ZNF853: variants seen among roughly 807,000 people sequenced by gnomAD.
The protein encoded by ZNF853 is zinc finger protein 853.
In ZNF853, 57 loss-of-function variants were observed where a neutral mutation model predicts 94.7. The ratio of observed to expected loss-of-function variants is 0.60; its 90% confidence interval spans 0.49 to 0.75. The LOEUF is 0.75. ZNF853 is among the 30% of genes least tolerant of loss of function. The pLI is 0.00. For missense variants in ZNF853, 785 were observed against 868.9 expected (o/e 0.90, Z 1.21); for synonymous variants, 448 against 406.3 (o/e 1.10, Z -1.23).
In ZNF853 at chr7:6,623,550, C is replaced by T. The variant is rs955174468; in HGVS notation, c.*579C>T. ...GGTGGGTATAATTCTGATGAAAACG[C>T]CTGTGTTCATCAACACAGGGTCAGA... On this transcript the variant is annotated 3_prime_UTR_variant, in exon 3 of 3. Transcript: ENST00000457543. 8 of 390,208 alleles carry T rather than the reference C, an allele frequency of 2.1e-5. No homozygotes were observed. The highest frequency in any genetic ancestry group is 1.7e-4 in the African/African-American group (8 of 48,420). The allele number at this position is 390,208 out of a possible 1,614,324, so 24.2% of individuals were successfully genotyped here.
rs1048883984 is a variant in ZNF853, at chr7:6,615,826, C to T, written c.-349C>T. ...GGCGGGGCCACCCCGTGGTGCCGAC[C>T]CCGGGCGCCGGCCTGGATCCCGCTG... On this transcript the variant is annotated 5_prime_UTR_variant, in exon 1 of 3. Transcript: ENST00000457543. The surrounding 1 kb of genome is among the most constrained non-coding windows in gnomAD (Gnocchi z 8.5). 1.0e-4 allele frequency: 17 copies of T among 168,728 alleles called. No homozygotes were observed. Among genetic ancestry groups the T allele is most frequent in the African/African-American group, 4.1e-4 (17 of 41,958 alleles). 10.5% of individuals were successfully genotyped at this position (168,728 alleles called of 1,614,324 possible). A position where few individuals can be genotyped will look rare whatever the true frequency, so the allele number is the denominator to read the frequency against.
rs1042100088 is a variant in ZNF853 at position 6,621,251 on chromosome 7, G to C, written c.260G>C (p.Arg87Pro). 9 of 1,549,344 alleles carry C rather than the reference G, an allele frequency of 5.8e-6. No individual in the cohort carries two copies. The highest frequency in any genetic ancestry group is 7.9e-6 in the Non-Finnish European group (9 of 1,145,498). ...EIAEETRPGQ[R>P]ELQLQQLEQQ... ...GCTGAGGAAACCCGGCCGGGACAAC[G>C]AGAGTTGCAACTGCAGCAGTTAGAA... Residue 87 changes from arginine (R) to proline (P), a missense_variant, in exon 3 of 3, where the codon CGA becomes CCA. Physicochemically the swap from Arg to Pro is moderately radical, Grantham distance 103 (BLOSUM62 -2). Coordinates refer to ENST00000457543, the MANE Select transcript of ZNF853 (RefSeq NM_017560.3).
In ZNF853 at chr7:6,622,547, G is replaced by T; in HGVS notation, c.1556G>T (p.Gly519Val). ...GERPHRCGEC[G>V]KGFSQHSNLV... ...CGGCCACACCGCTGCGGCGAGTGCG[G>T]CAAGGGCTTCTCGCAGCACTCGAAT... Residue 519 changes from glycine to valine, a missense_variant, in exon 3 of 3, where the codon GGC becomes GTC. Transcript: ENST00000457543. 2 of 1,553,670 alleles carry T rather than the reference G, an allele frequency of 1.3e-6. No homozygotes were observed. Among genetic ancestry groups the T allele is most frequent in the Non-Finnish European group, 1.7e-6 (2 of 1,149,280 alleles).
At chr7:6,617,015 C>T in intron 1 of ZNF853, among the ~76,000 whole-genome samples, 175 bp from the exon 2 acceptor site, 7 of 152,130 alleles carry the variant, frequency 4.6e-5, no homozygotes, top group African/African-American at 9.7e-5. Flanking sequence ...GCCTCCAGGC[C>T]GCCGGCACTC....
chr7:6,619,064 G>C, intron 2 of ZNF853, among the ~76,000 whole-genome samples: 1 of 119,066 alleles, frequency 8.4e-6, no homozygotes, highest in Non-Finnish European at 1.6e-5. Flanking sequence ...TTTTGAGACA[G>C]AGTCTCACTC....
In ZNF853 at chr7:6,619,107, T is replaced by C; in HGVS notation, c.130+1800T>C. 7.1e-3 allele frequency among the ~76,000 whole-genome samples: 1,047 copies of C among 147,808 alleles called. 13 individuals are homozygous for C. Among genetic ancestry groups the C allele is most frequent in the African/African-American group, 0.025 (984 of 39,528 alleles). ...CAGGCTGGATTGCGGTGGCTCAATC[T>C]TGACTCACTGCAACCTCCACCTCCT... On this transcript the variant is annotated intron_variant, in intron 2 of 2. Coordinates refer to ENST00000457543, the MANE Select transcript of ZNF853 (RefSeq NM_017560.3).
rs1006145655 is a variant in ZNF853, at chr7:6,621,500, T to TGCA, written c.520_522dup (p.Gln174dup). The TGCA allele has an allele frequency of 3.9e-6, 6 of 1,551,620 alleles. No homozygotes were observed. In the African/African-American group the frequency reaches 6.8e-5, roughly 18 times the overall value. ...CAGCAAGTGCAAGAGCAACAGCGGTTGCAGCAGCAGCAGGAGCAGTTACAG... is the reference window on the plus strand; with the variant it reads ...CAGCAAGTGCAAGAGCAACAGCGGTTGCAGCAGCAGCAGCAGGAGCAGTTACAG... On this transcript the variant is annotated inframe_insertion, in exon 3 of 3. Transcript: ENST00000457543.
chr7:6,615,894 A>C lies in ZNF853; in HGVS notation c.-281A>C. Reference sequence around the variant, plus strand: ...GGGCCGGCCCTGAGCCCCGCGCGGGATTCGGGGCCCTGCCTCCCGCCCCAG... The same window carrying C: ...GGGCCGGCCCTGAGCCCCGCGCGGGCTTCGGGGCCCTGCCTCCCGCCCCAG... On this transcript the variant is annotated 5_prime_UTR_variant, in exon 1 of 3. Coordinates refer to ENST00000457543, the MANE Select transcript of ZNF853 (RefSeq NM_017560.3). This position sits in a 1 kb window ranked among gnomAD's most constrained non-coding sequence, Gnocchi z 8.5. 1 of 318,222 alleles carries C rather than the reference A, an allele frequency of 3.1e-6. No homozygotes were observed. The highest frequency in any genetic ancestry group is 5.8e-6 in the Non-Finnish European group (1 of 172,616). 19.7% of individuals were successfully genotyped at this position (318,222 alleles called of 1,614,324 possible).
In ZNF853 at chr7:6,623,007, C is replaced by CCCCGCCTCCA; in HGVS notation, c.*39_*40insGCCTCCACCC. On this transcript the variant is annotated 3_prime_UTR_variant, in exon 3 of 3. Transcript: ENST00000457543. ...CGGGGCTGCCTGGCCGGGAGGGGAC[C>CCCCGCCTCCA]CCCCACCCGCCTCCACCTGAAAAGC... 1 of 1,239,208 alleles carries CCCCGCCTCCA rather than the reference C, an allele frequency of 8.1e-7. No homozygotes were observed. The highest frequency in any genetic ancestry group is 1.0e-6 in the Non-Finnish European group (1 of 992,342). The allele number at this position is 1,239,208 out of a possible 1,614,324, so 76.8% of individuals were successfully genotyped here. A position where few individuals can be genotyped will look rare whatever the true frequency, so the allele number is the denominator to read the frequency against.
At chr7:6,617,605 T>G in intron 2 of ZNF853, 1 of 985,432 alleles carries the variant, frequency 1.0e-6, no homozygotes, top group Non-Finnish European at 1.2e-6. Flanking sequence ...TCCACCATCC[T>G]CCCACCTGGC....
Position 6,623,214 on chromosome 7 carries a change from G to T in ZNF853, c.*243G>T, listed in dbSNP as rs1346836699. On this transcript the variant is annotated 3_prime_UTR_variant, in exon 3 of 3. Coordinates refer to ENST00000457543, the MANE Select transcript of ZNF853 (RefSeq NM_017560.3). Reference sequence around the variant, plus strand: ...TGGACCGGGGCTGAAACAGCACACGGGACACGTTTGTCTGCCCTTTGAGGG... The same window carrying T: ...TGGACCGGGGCTGAAACAGCACACGTGACACGTTTGTCTGCCCTTTGAGGG... The T allele has an allele frequency of 1.7e-5, 7 of 410,508 alleles. No homozygotes were observed. The highest frequency in any genetic ancestry group is 8.4e-6 in the Non-Finnish European group (2 of 237,150). The allele number at this position is 410,508 out of a possible 1,614,324, so 25.4% of individuals were successfully genotyped here. A position where few individuals can be genotyped will look rare whatever the true frequency, so the allele number is the denominator to read the frequency against.
Position 6,621,141 on chromosome 7 carries a change from G to T in ZNF853, c.150G>T (p.Glu50Asp). 1 of 1,465,936 alleles carries T rather than the reference G, an allele frequency of 6.8e-7. No individual in the cohort carries two copies. The highest frequency in any genetic ancestry group is 9.0e-7 in the Non-Finnish European group (1 of 1,108,902). The allele number at this position is 1,465,936 out of a possible 1,614,324, so 90.8% of individuals were successfully genotyped here. A position where few individuals can be genotyped will look rare whatever the true frequency, so the allele number is the denominator to read the frequency against. The change falls in exon 3 of 3, where the codon GAG becomes GAT. Residue 50 changes from glutamate (E) to aspartate (D), a missense_variant. Physicochemically the swap from Glu to Asp is conservative, Grantham distance 45. Coordinates refer to ENST00000457543, the MANE Select transcript of ZNF853 (RefSeq NM_017560.3). ...CCACAGGTGGCAGCGGTGGGAGCGAGAGTCAGGAGGAGGAAGAGCCTCAGG... is the reference window on the plus strand; with the variant it reads ...CCACAGGTGGCAGCGGTGGGAGCGATAGTCAGGAGGAGGAAGAGCCTCAGG... ...DTLSGGSGGS[E>D]SQEEEEPQER...
chr7:6,621,223 A>G lies in ZNF853; in HGVS notation c.232A>G (p.Ile78Val). 1 of 1,542,682 alleles carries G rather than the reference A, an allele frequency of 6.5e-7. No individual in the cohort carries two copies. The highest frequency in any genetic ancestry group is 8.8e-7 in the Non-Finnish European group (1 of 1,142,138). The change falls in exon 3 of 3, where the codon ATC (isoleucine) becomes GTC (valine). Residue 78 changes from isoleucine (I) to valine (V), a missense_variant. Physicochemically the swap from Ile to Val is conservative, Grantham distance 29 (BLOSUM62 3). Coordinates refer to ENST00000457543, the MANE Select transcript of ZNF853 (RefSeq NM_017560.3). ...AVSAPVGASE[I>V]AEETRPGQRE... ...CTCGGCCCCAGTGGGGGCCAGTGAA[A>G]TCGCTGAGGAAACCCGGCCGGGACA...
chr7:6,620,691 G>A, intron 2 of ZNF853, among the ~76,000 whole-genome samples: 4 of 150,968 alleles, frequency 2.6e-5, no homozygotes, highest in African/African-American at 9.8e-5. Flanking sequence ...GTGTGATCTC[G>A]GCTCACTGCA....
rs779650987 is a variant in ZNF853 at position 6,622,683 on chromosome 7, C to T, written c.1692C>T (p.Thr564=). The T allele has an allele frequency of 4.4e-6, 7 of 1,577,212 alleles. No homozygotes were observed. Among genetic ancestry groups the T allele is most frequent in the East Asian group, 4.7e-5 (2 of 42,618 alleles). Reference sequence around the variant, plus strand: ...TCGTGCAGCACCAGCGCACGCACACCGGGGAGCGACCCTACGCCTGCGGGG... The same window carrying T: ...TCGTGCAGCACCAGCGCACGCACACTGGGGAGCGACCCTACGCCTGCGGGG... ...SALVQHQRTH[T]GERPYACGDC... is the part of the protein sequence containing the mutation. The change falls in exon 3 of 3, where the codon ACC becomes ACT. Residue 564 remains threonine, a synonymous_variant. Coordinates refer to ENST00000457543, the MANE Select transcript of ZNF853 (RefSeq NM_017560.3).
intron 2 of ZNF853, among the ~76,000 whole-genome samples, chr7:6,618,176 A>G: frequency 6.6e-6 from 1 of 152,086 alleles, no homozygotes; most frequent in Non-Finnish European, 1.5e-5. Flanking sequence ...GGGCACCTGT[A>G]ATCTCAGCTA....
chr7:6,617,187 C>T lies in ZNF853; in HGVS notation c.13-3C>T. The T allele has an allele frequency of 2.9e-5, 44 of 1,541,682 alleles. No homozygotes were observed. In the African/African-American group the frequency reaches 5.9e-4, roughly 21 times the overall value. On this transcript the variant is annotated splice_polypyrimidine_tract_variant and splice_region_variant and intron_variant, in intron 1 of 2. Coordinates refer to ENST00000457543, the MANE Select transcript of ZNF853 (RefSeq NM_017560.3). ...CTAAACTGCTTCCTTCCTTTCAGCA[C>T]AGCCGACTCCCGGGAATCGGGGTCT...
At chr7:6,620,447 C>T in intron 2 of ZNF853, among the ~76,000 whole-genome samples, 1 of 152,082 alleles carries the variant, frequency 6.6e-6, no homozygotes, top group Non-Finnish European at 1.5e-5. Flanking sequence ...CCCCAGCATC[C>T]CTGCTAGTGC....
Position 6,621,418 on chromosome 7 carries a change from C to G in ZNF853, c.427C>G (p.His143Asp), listed in dbSNP as rs1260149728. 1.9e-6 allele frequency: 3 copies of G among 1,551,616 alleles called. No individual in the cohort carries two copies. In the African/African-American group the frequency reaches 4.1e-5, roughly 21 times the overall value. ...LQQEKHQSVH[H>D]QELKPELQLM... ...ACAGGAAAAACACCAATCCGTGCAC[C>G]ATCAGGAACTGAAACCAGAACTGCA... The change falls in exon 3 of 3, where the codon CAT becomes GAT. Residue 143 changes from histidine (H) to aspartate (D), a missense_variant. Coordinates refer to ENST00000457543, the MANE Select transcript of ZNF853 (RefSeq NM_017560.3).
Sources: allele counts gnomAD v4.1 joint callset (sites outside exome capture counted in the v4.1 genomes callset), GRCh38; gene constraint gnomAD v4.1.1; non-coding constraint Gnocchi (gnomAD v3.1); transcripts MANE v1.5; gene names NCBI Gene and HGNC (gene_info 2026-07-23, HGNC 2026-07-21).